The following GLRA2 variants were observed in gnomAD, a reference collection of about 807,000 sequenced individuals.
GLRA2 encodes the protein glycine receptor subunit alpha-2.
GLRA2 carries 11 observed loss-of-function variants against 31.6 expected under a neutral mutation model. The observed-to-expected ratio is 0.35, with a 90% confidence interval of 0.22 to 0.58. GLRA2 has a LOEUF of 0.58. Ranked by LOEUF, GLRA2 falls within the 20% of genes least tolerant of loss-of-function variation. The pLI is 0.84. For synonymous variants in GLRA2, 132 were observed against 134.0 expected, an observed-to-expected ratio of 0.99 and a Z score of 0.10; for missense variants, 212 against 351.8, an observed-to-expected ratio of 0.60 and a Z score of 3.18.
chrX:14,459,247 C>G, the GLRA2 span, among the ~76,000 whole-genome samples: 1 of 111,674 alleles, frequency 9.0e-6, no homozygotes, highest in Non-Finnish European at 1.9e-5. Context: ...TGTTTTGGTA[C>G]CAGTACCATG....
chrX:14,626,679 C>T (rs1035331197), intron 7 of GLRA2, among the ~76,000 whole-genome samples: 1 of 111,788 alleles, frequency 8.9e-6, no homozygotes, highest in African/African-American at 3.2e-5. Flanking sequence ...AAGACATTAA[C>T]TGTCATTCAG....
At chrX:14,660,373 A>C (rs5934186) in intron 7 of GLRA2, among the ~76,000 whole-genome samples, 22,253 of 110,793 alleles carry the variant, frequency 0.2, 1,760 homozygotes, top group Non-Finnish European at 0.24. Flanking sequence ...CTGGAGTAGA[A>C]AGTGAAGGGA....
intron 7 of GLRA2, among the ~76,000 whole-genome samples, chrX:14,682,775 T>C (rs373719990): frequency 1.9e-5 from 2 of 104,000 alleles, no homozygotes; most frequent in African/African-American, 7.1e-5. Context: ...TGTTCAATTC[T>C]CACCTATGAG....
the GLRA2 span, among the ~76,000 whole-genome samples, chrX:14,490,907 C>G: frequency 5.4e-5 from 6 of 111,794 alleles, no homozygotes; most frequent in African/African-American, 1.6e-4. Flanking sequence ...AGCACACACT[C>G]TGCACATAAG....
chrX:14,603,211 A>G (rs926431183), intron 4 of GLRA2, among the ~76,000 whole-genome samples: 1 of 109,094 alleles, frequency 9.2e-6, no homozygotes, highest in African/African-American at 3.3e-5. Context: ...TTTTTTGGCC[A>G]TTTGTATATC....
chrX:14,622,183 C>T (rs917376055), intron 7 of GLRA2, among the ~76,000 whole-genome samples: 7 of 111,821 alleles, frequency 6.3e-5, no homozygotes, highest in Non-Finnish European at 1.3e-4. Context: ...CTGTTCATAT[C>T]CTTCGCCCAC....
chrX:14,718,341 A>G (rs1356459520), intron 8 of GLRA2, among the ~76,000 whole-genome samples: 1 of 112,130 alleles, frequency 8.9e-6, no homozygotes, highest in Non-Finnish European at 1.9e-5. Flanking sequence ...ATTCAATCCC[A>G]TATATTTGTA....
chrX:14,556,275 T>C (rs1286750319), intron 2 of GLRA2, among the ~76,000 whole-genome samples: 2 of 111,928 alleles, frequency 1.8e-5, no homozygotes, highest in African/African-American at 6.5e-5. Context: ...TTGTTATTCA[T>C]AGTAGAGGAT....
chrX:14,564,940 A>G (rs779881169), intron 2 of GLRA2, among the ~76,000 whole-genome samples: 7 of 111,294 alleles, frequency 6.3e-5, no homozygotes, highest in Non-Finnish European at 1.1e-4. Context: ...CAAATGGTTC[A>G]CTACAAAAAA....
chrX:14,711,478 A>G (rs1421739964), intron 8 of GLRA2, among the ~76,000 whole-genome samples: 2 of 112,191 alleles, frequency 1.8e-5, no homozygotes, highest in Non-Finnish European at 3.8e-5. Flanking sequence ...ATGAATGATT[A>G]TGGGAACCTG....
At chrX:14,589,711 C>CACATATATATATGTATAG (rs767100722) in intron 4 of GLRA2, among the ~76,000 whole-genome samples, 1 of 105,326 alleles carries the variant, frequency 9.5e-6, no homozygotes, top group African/African-American at 3.4e-5. Context: ...TATATATATA[C>CACATATATATATGTATAG]ACACATATAT....
intron 7 of GLRA2, among the ~76,000 whole-genome samples, chrX:14,684,932 G>C: frequency 9.0e-6 from 1 of 110,889 alleles, no homozygotes; most frequent in East Asian, 2.8e-4. Context: ...TGCCCATTCA[G>C]TATGATATTA....
At chrX:14,686,214 G>A (rs1251425968) in intron 7 of GLRA2, among the ~76,000 whole-genome samples, 1 of 111,636 alleles carries the variant, frequency 9.0e-6, no homozygotes, top group Non-Finnish European at 1.9e-5. Context: ...CATTTGCTGA[G>A]GAGTGCTTTA....
In GLRA2 at chrX:14,719,193, ATAAT is replaced by A. The variant is rs763472128; in HGVS notation, c.1081-11009_1081-11006del. Among the ~76,000 whole-genome samples, 399 of 111,964 alleles carry A rather than the reference ATAAT, an allele frequency of 3.6e-3. 2 individuals are homozygous for A. The highest frequency in any genetic ancestry group is 0.013 in the African/African-American group (388 of 30,823). Reference sequence around the variant, plus strand: ...TATTTTATTTTCTGGGTAAGGGGAAATAATTAATGACCTATAAAAGACTTCAATG... The same window carrying A: ...TATTTTATTTTCTGGGTAAGGGGAAATAATGACCTATAAAAGACTTCAATG... On this transcript the variant is annotated intron_variant, in intron 8 of 8. Coordinates refer to ENST00000218075, the MANE Select transcript of GLRA2 (RefSeq NM_002063.4).
intron 7 of GLRA2, among the ~76,000 whole-genome samples, chrX:14,613,130 T>C (rs1247318139): frequency 9.0e-6 from 1 of 111,659 alleles, no homozygotes; most frequent in East Asian, 2.8e-4. Context: ...GAGGATGAGA[T>C]GAAGCAGTAC....
At chrX:14,481,988 TA>T in the GLRA2 span, among the ~76,000 whole-genome samples, 1 of 111,968 alleles carries the variant, frequency 8.9e-6, no homozygotes, top group Non-Finnish European at 1.9e-5. Context: ...AATGTTTATA[TA>T]TACACACAAA....
chrX:14,520,457 C>T, the GLRA2 span, among the ~76,000 whole-genome samples: 50,800 of 111,408 alleles, frequency 0.46, 8,646 homozygotes, highest in Non-Finnish European at 0.53. Flanking sequence ...GCATTTCTCA[C>T]ATTAGCCAAC....
At chrX:14,581,848 C>A (rs1360253331) in intron 4 of GLRA2, among the ~76,000 whole-genome samples, 1 of 108,687 alleles carries the variant, frequency 9.2e-6, no homozygotes, top group Non-Finnish European at 1.9e-5. Flanking sequence ...ATACTTATAG[C>A]TGGATACATG....
At chrX:14,617,753 C>G (rs928448287) in intron 7 of GLRA2, among the ~76,000 whole-genome samples, 1 of 111,555 alleles carries the variant, frequency 9.0e-6, no homozygotes, top group African/African-American at 3.3e-5. Flanking sequence ...CGATCCATCC[C>G]AGATGAGCCC....
Sources: allele counts gnomAD v4.1 joint callset (sites outside exome capture counted in the v4.1 genomes callset), GRCh38; gene constraint gnomAD v4.1.1; transcripts MANE v1.5; gene names NCBI Gene and HGNC (gene_info 2026-07-23, HGNC 2026-07-21).